The following GPR107 variants were observed in gnomAD, a reference collection of about 807,000 sequenced individuals.
GPR107 encodes the protein protein GPR107.
A neutral mutation model predicts 75.5 loss-of-function variants in GPR107; 31 were observed. The ratio of observed to expected loss-of-function variants is 0.41; its 90% CI spans 0.31 to 0.55. The LOEUF is 0.55. Ranked by LOEUF, GPR107 falls within the 20% of genes least tolerant of loss-of-function variation. The pLI is 0.26. For missense variants in GPR107, 572 were observed against 665.7 expected (o/e 0.86, Z 1.55); for synonymous variants, 267 against 251.3 (o/e 1.06, Z -0.59).
At chr9:130,097,599 G>A (rs758189918) in intron 9 of GPR107, among the ~76,000 whole-genome samples, 12 of 152,068 alleles carry the variant, frequency 7.9e-5, no homozygotes, top group Non-Finnish European at 1.6e-4. Flanking sequence ...AATCTGATAG[G>A]TGTAAAGTGG....
At chr9:130,077,086 C>T (rs1432440882) in intron 3 of GPR107, among the ~76,000 whole-genome samples, 1 of 151,910 alleles carries the variant, frequency 6.6e-6, no homozygotes, top group African/African-American at 2.4e-5. Context: ...CGTGGTTTCA[C>T]CATGTTGGCC....
At chr9:130,118,165 C>T (rs1416184345) in intron 14 of GPR107, among the ~76,000 whole-genome samples, 2 of 152,132 alleles carry the variant, frequency 1.3e-5, no homozygotes, top group African/African-American at 2.4e-5. Context: ...GTGTGTCAGG[C>T]CTGCTTCCCC....
chr9:130,060,988 A>G (rs1829914033), intron 1 of GPR107, among the ~76,000 whole-genome samples: 1 of 152,224 alleles, frequency 6.6e-6, no homozygotes, highest in Non-Finnish European at 1.5e-5. Flanking sequence ...CAAAAGGAGT[A>G]TGCACCTGAA....
chr9:130,102,690 G>A (rs1042178975), intron 12 of GPR107, among the ~76,000 whole-genome samples: 3 of 152,160 alleles, frequency 2.0e-5, no homozygotes, highest in Non-Finnish European at 2.9e-5. Context: ...CTCTTGGCAC[G>A]TTGTTCAACA....
intron 4 of GPR107, among the ~76,000 whole-genome samples, chr9:130,078,347 A>C (rs1830412114): frequency 6.6e-6 from 1 of 152,170 alleles, no homozygotes; most frequent in Admixed American, 6.5e-5. Flanking sequence ...TGAGATGAAC[A>C]AGACTGGAGG....
intron 1 of GPR107, among the ~76,000 whole-genome samples, chr9:130,071,035 C>CTTTTTTTTT (rs56799662): frequency 6.1e-5 from 6 of 98,188 alleles, no homozygotes; most frequent in Non-Finnish European, 7.3e-5. Context: ...TTTTTTTTTT[C>CTTTTTTTTT]TTTTTTTTTT....
At chr9:130,128,823 A>G (rs540370781) in intron 17 of GPR107, 62 bp downstream of exon 17, 8 of 1,531,670 alleles carry the variant, frequency 5.2e-6, no homozygotes, top group East Asian at 2.3e-5. Context: ...AAAGCAGCAC[A>G]GTGTGAATCG....
At chr9:130,130,584 T>A (rs1831800352) in intron 17 of GPR107, among the ~76,000 whole-genome samples, 1 of 152,162 alleles carries the variant, frequency 6.6e-6, no homozygotes. Context: ...TAGAAATGGA[T>A]ATATCGGCTG....
At position 130,083,657 on chromosome 9, in the gene GPR107, G is replaced by A. The variant is rs184893754; in HGVS notation, c.564+55G>A. On this transcript the variant is annotated intron_variant, in intron 6 of 17. Coordinates refer to ENST00000347136, the MANE Select transcript of GPR107 (RefSeq NM_020960.5). The stretch of plus-strand genomic sequence containing the variant: ...CTTTTCTGGATATGTGTGTACGTGT[G>A]TGTGTTATATGCATGTGTGTGTGTG... 2.5e-4 allele frequency: 257 copies of A among 1,041,062 alleles called. No homozygotes were observed. In the East Asian group the frequency reaches 2.6e-3, roughly 11 times the overall value. The allele number at this position is 1,041,062 out of a possible 1,614,324, so 64.5% of individuals were successfully genotyped here. A position where few individuals can be genotyped will look rare whatever the true frequency, so the allele number is the denominator to read the frequency against.
chr9:130,060,660 ATCAT>A (rs1189086298), intron 1 of GPR107, among the ~76,000 whole-genome samples: 2 of 152,128 alleles, frequency 1.3e-5, no homozygotes, highest in East Asian at 3.9e-4. Flanking sequence ...TTGATGACTG[ATCAT>A]TCTGGCTTTC....
chr9:130,099,194 C>T (rs1013183898), intron 9 of GPR107, among the ~76,000 whole-genome samples: 5 of 151,966 alleles, frequency 3.3e-5, no homozygotes, highest in African/African-American at 9.7e-5. Context: ...ACACCTAAAG[C>T]CATCCTCCCA....
At chr9:130,123,530 C>CTTT (rs57730952) in intron 14 of GPR107, among the ~76,000 whole-genome samples, 2 of 127,154 alleles carry the variant, frequency 1.6e-5, no homozygotes, top group African/African-American at 6.0e-5. Context: ...CTTTTCTTTT[C>CTTT]TTTTTTTTTT....
chr9:130,063,436 C>T (rs576084355), intron 1 of GPR107, among the ~76,000 whole-genome samples: 8 of 152,296 alleles, frequency 5.3e-5, no homozygotes, highest in South Asian at 4.1e-4. Context: ...ATGATCTGCC[C>T]GCCTTGGCCT....
intron 5 of GPR107, among the ~76,000 whole-genome samples, chr9:130,081,733 G>T (rs1230148867): frequency 1.3e-5 from 2 of 151,580 alleles, no homozygotes; most frequent in African/African-American, 4.9e-5. Flanking sequence ...GCATGCGCCT[G>T]TAGTCCCAAC....
chr9:130,108,503 G>A (rs944971891), intron 14 of GPR107, among the ~76,000 whole-genome samples: 1 of 152,222 alleles, frequency 6.6e-6, no homozygotes, highest in Non-Finnish European at 1.5e-5. Flanking sequence ...TCAGCCCTAG[G>A]TTGTTATTTA....
intron 1 of GPR107, among the ~76,000 whole-genome samples, chr9:130,064,754 G>A (rs117231259): frequency 1.3e-4 from 20 of 152,236 alleles, no homozygotes; most frequent in Non-Finnish European, 2.5e-4. Context: ...AGTGTGCCAG[G>A]TGCCATTATA....
chr9:130,058,048 T>C (rs1829836026), intron 1 of GPR107, among the ~76,000 whole-genome samples: 2 of 151,996 alleles, frequency 1.3e-5, no homozygotes, highest in Non-Finnish European at 2.9e-5. Flanking sequence ...AGGCTAGTCT[T>C]GAACTCCTAA....
intron 9 of GPR107, among the ~76,000 whole-genome samples, chr9:130,093,285 T>A (rs1830785042): frequency 6.6e-6 from 1 of 152,224 alleles, no homozygotes; most frequent in African/African-American, 2.4e-5. Flanking sequence ...ATGCGTGAAT[T>A]CTTTCTCCCT....
At chr9:130,132,288 C>G (rs1588088180) in intron 17 of GPR107, among the ~76,000 whole-genome samples, 1 of 152,168 alleles carries the variant, frequency 6.6e-6, no homozygotes, top group Admixed American at 6.5e-5. Flanking sequence ...GACTCTGATT[C>G]TCACCCCTTG....
Sources: gnomAD v4.1 joint callset for allele counts (sites outside exome capture counted in the v4.1 genomes callset) on GRCh38, gnomAD v4.1.1 for gene constraint, MANE v1.5 for transcripts, NCBI Gene and HGNC (gene_info 2026-07-23, HGNC 2026-07-21) for gene names.